MYO1H: variants seen among roughly 807,000 people sequenced by gnomAD.
MYO1H encodes myosin IH.
MYO1H carries 118 observed loss-of-function variants against 149.3 expected under a neutral mutation model. The observed-to-expected ratio is 0.79, with a 90% CI of 0.68 to 0.92. The LOEUF is 0.92. Among genes scored for constraint, MYO1H ranks in the 40% least tolerant of loss-of-function variants. The pLI is 0.00. For synonymous variants in MYO1H, 447 were observed against 465.2 expected (o/e 0.96, Z 0.50); for missense variants, 1,212 against 1,280.7 (o/e 0.95, Z 0.82).
the MYO1H span, among the ~76,000 whole-genome samples, chr12:109,328,111 A>G: frequency 6.7e-6 from 1 of 149,502 alleles, no homozygotes; most frequent in Non-Finnish European, 1.5e-5. Flanking sequence ...GAGAATAATC[A>G]TTGGGGATCA....
intron 24 of MYO1H, 33 bp from the exon 25 acceptor site, chr12:109,440,711 A>G: frequency 6.7e-6 from 10 of 1,497,904 alleles, no homozygotes; most frequent in Non-Finnish European, 9.1e-6. Context: ...GGAGTGAGTG[A>G]GGCAAGTGGA....
Position 109,443,154 on chromosome 12 carries a change from G to GTGTGTGTATATATGTGTACATA in MYO1H, c.2689-349_2689-348insATGTGTACATATGTGTGTATAT, listed in dbSNP as rs1872276269. Among the ~76,000 whole-genome samples the GTGTGTGTATATATGTGTACATA allele has an allele frequency of 1.1e-4, 6 of 52,302 alleles. 2 individuals are homozygous for GTGTGTGTATATATGTGTACATA. Among genetic ancestry groups the GTGTGTGTATATATGTGTACATA allele is most frequent in the African/African-American group, 5.3e-4 (6 of 11,236 alleles). The allele number at this position is 52,302 out of a possible 152,430, so 34.3% of individuals were successfully genotyped here. A position where few individuals can be genotyped will look rare whatever the true frequency, so the allele number is the denominator to read the frequency against. On this transcript the variant is annotated intron_variant, in intron 27 of 31. Coordinates refer to ENST00000310903, the Ensembl canonical transcript of MYO1H. ...TATATGTGTGTATATGTGTACGTAT[G>GTGTGTGTATATATGTGTACATA]TGTGTGTATATGTGTACGTATGTGT...
intron 14 of MYO1H, 76 bp from the exon 15 acceptor site, chr12:109,415,450 T>G (rs1182349032): frequency 3.6e-6 from 5 of 1,385,666 alleles, no homozygotes; most frequent in Non-Finnish European, 4.9e-6. Context: ...CACTCCAGCT[T>G]GGGCAACAGA....
intron 1 of MYO1H, among the ~76,000 whole-genome samples, chr12:109,362,897 G>C (rs1428311819): frequency 2.0e-5 from 3 of 152,220 alleles, no homozygotes; most frequent in African/African-American, 7.2e-5. Context: ...TTGGTTGCAA[G>C]CAATAGAAAC....
At chr12:109,405,014 T>G (rs1870316593) in intron 7 of MYO1H, among the ~76,000 whole-genome samples, 1 of 152,018 alleles carries the variant, frequency 6.6e-6, no homozygotes, top group African/African-American at 2.4e-5. Context: ...AGTTTGAGAC[T>G]AGCCTGGGGA....
At chr12:109,443,104 G>GTATATGTGTGTATATATGTGTATA (rs1566044888) in intron 27 of MYO1H, among the ~76,000 whole-genome samples, 1 of 34,686 alleles carries the variant, frequency 2.9e-5, no homozygotes, top group African/African-American at 1.4e-4. Flanking sequence ...ATATGTGTAC[G>GTATATGTGTGTATATATGTGTATA]TATATGTGTG....
At chr12:109,443,901 C>CA (rs370108094) in intron 28 of MYO1H, among the ~76,000 whole-genome samples, 16,520 of 140,940 alleles carry the variant, frequency 0.12, 1,216 homozygotes, top group African/African-American at 0.2. Flanking sequence ...GACTCTGGCT[C>CA]AAAAAAAAAA....
intron 1 of MYO1H, among the ~76,000 whole-genome samples, chr12:109,350,582 C>T (rs1202236573): frequency 1.3e-5 from 2 of 152,132 alleles, no homozygotes; most frequent in Non-Finnish European, 2.9e-5. Flanking sequence ...GTAAATTGCC[C>T]AGTCTCAAGT....
chr12:109,365,879 G>A (rs1371578543), intron 1 of MYO1H, among the ~76,000 whole-genome samples: 3 of 152,158 alleles, frequency 2.0e-5, no homozygotes, highest in Non-Finnish European at 1.5e-5. Context: ...CCGCACAGCA[G>A]GAGATGAGTG....
chr12:109,350,513 G>C (rs183387956), intron 1 of MYO1H, among the ~76,000 whole-genome samples: 1 of 152,142 alleles, frequency 6.6e-6, no homozygotes, highest in Non-Finnish European at 1.5e-5. Context: ...ACCTTCCACC[G>C]AGGTTGTAAG....
chr12:109,323,240 A>G, the MYO1H span, among the ~76,000 whole-genome samples: 1 of 152,198 alleles, frequency 6.6e-6, no homozygotes, highest in Non-Finnish European at 1.5e-5. Flanking sequence ...TAGATCTTTT[A>G]CAGTTTTCTC....
chr12:109,425,713 A>T (rs1871328627), intron 17 of MYO1H, among the ~76,000 whole-genome samples: 1 of 152,212 alleles, frequency 6.6e-6, no homozygotes, highest in Non-Finnish European at 1.5e-5. Flanking sequence ...CAAGTGAGGC[A>T]TCCTAGACAG....
intron 19 of MYO1H, 87 bp from the exon 20 acceptor site, chr12:109,432,810 G>A (rs755139929): frequency 7.4e-6 from 8 of 1,088,138 alleles, no homozygotes; most frequent in Non-Finnish European, 9.9e-6. Flanking sequence ...CCACAGCAGT[G>A]CTCAGCAGGC....
exon 28 of MYO1H, chr12:109,443,565 C>A (rs758161211): frequency 1.9e-6 from 3 of 1,613,752 alleles, no homozygotes; most frequent in Non-Finnish European, 2.5e-6. Context: ...AGCACGGCAG[C>A]GGCAACTCAT....
chr12:109,439,607 G>C, intron 23 of MYO1H, 24 bp from the exon 24 acceptor site: 2 of 1,595,352 alleles, frequency 1.3e-6, no homozygotes, highest in Non-Finnish European at 1.7e-6. Context: ...GTCCAGAAAA[G>C]TAAGAAAACA....
chr12:109,412,127 A>C (rs1006950607), intron 14 of MYO1H, 142 bp downstream of exon 14: 1 of 570,888 alleles, frequency 1.8e-6, no homozygotes, highest in Non-Finnish European at 3.0e-6. Flanking sequence ...TAGATGTGCC[A>C]GACCTTTGTT....
At chr12:109,394,265 A>G in intron 3 of MYO1H, among the ~76,000 whole-genome samples, 1 of 152,218 alleles carries the variant, frequency 6.6e-6, no homozygotes, top group South Asian at 2.1e-4. Context: ...CTGTAAAAAC[A>G]ATCTGTTTAG....
chr12:109,336,946 A>G, the MYO1H span, among the ~76,000 whole-genome samples: 3 of 152,116 alleles, frequency 2.0e-5, no homozygotes, highest in Non-Finnish European at 2.9e-5. Context: ...GGAGGCCTGG[A>G]GTCAAGGCAA....
chr12:109,413,182 C>A (rs1870750682), intron 14 of MYO1H, among the ~76,000 whole-genome samples: 1 of 152,026 alleles, frequency 6.6e-6, no homozygotes, highest in African/African-American at 2.4e-5. Context: ...ACCATGTTAG[C>A]CAGGCTGGTC....
Sources: gnomAD v4.1 joint callset for allele counts (sites outside exome capture counted in the v4.1 genomes callset) on GRCh38, gnomAD v4.1.1 for gene constraint, MANE v1.5 for transcripts, NCBI Gene and HGNC (gene_info 2026-07-23, HGNC 2026-07-21) for gene names.